TTC17: variants seen among roughly 807,000 people sequenced by gnomAD.
The protein encoded by TTC17 is tetratricopeptide repeat domain 17.
Under a neutral mutation model 143.8 loss-of-function variants are expected in TTC17, and 58 were observed. The observed-to-expected ratio is 0.40, with a 90% CI of 0.33 to 0.50. TTC17 has a LOEUF of 0.50. Among genes scored for constraint, TTC17 ranks in the 20% least tolerant of loss-of-function variants. The pLI is 0.49. For missense variants in TTC17, 1,273 were observed against 1,392.5 expected (o/e 0.91, Z 1.37); for synonymous variants, 501 against 497.8 (o/e 1.01, Z -0.09).
intron 2 of TTC17, among the ~76,000 whole-genome samples, chr11:43,384,257 A>G (rs1565136770): frequency 6.6e-6 from 1 of 152,206 alleles, no homozygotes; most frequent in African/African-American, 2.4e-5. Flanking sequence ...TAAGCAAAAG[A>G]AAGGTGATAT....
rs573356151 is a variant in TTC17, at chr11:43,474,733, A to G, written c.3031-15506A>G. 8.5e-5 allele frequency among the ~76,000 whole-genome samples: 13 copies of G among 152,356 alleles called. No homozygotes were observed. The East Asian group carries it at 2.5e-3, about 29-fold the overall frequency. On this transcript the variant is annotated intron_variant, in intron 21 of 23. Transcript: ENST00000039989. ...TAACTTTTGACTCCTCAAAAACTTA[A>G]CTACTAATAGCCCACTATTGACTGG...
intron 16 of TTC17, among the ~76,000 whole-genome samples, chr11:43,420,677 G>A (rs534346691): frequency 2.1e-3 from 313 of 152,254 alleles, no homozygotes; most frequent in Non-Finnish European, 3.0e-3. Context: ...CTTAGAGACA[G>A]TATTATCAGA....
In TTC17 at chr11:43,443,538, C is replaced by T; in HGVS notation, c.2465C>T (p.Ser822Phe). ...CCCCAGGATGGAGTGGCCAGAAGCT[C>T]TTGCTATGGAGACTGCAGAAGTGAA... Reference protein sequence around the residue: ...KGPQDGVARSSCYGDCRSEDD... With the variant: ...KGPQDGVARSFCYGDCRSEDD... The change falls in exon 17 of 24, where the codon TCT becomes TTT. Residue 822 changes from serine (S) to phenylalanine (F), a missense_variant. Coordinates refer to ENST00000039989, the MANE Select transcript of TTC17 (RefSeq NM_018259.6). 2 of 1,614,066 alleles carry T rather than the reference C, an allele frequency of 1.2e-6. No individual in the cohort carries two copies. Among genetic ancestry groups the T allele is most frequent in the South Asian group, 1.1e-5 (1 of 91,068 alleles).
chr11:43,488,053 G>A (rs1350419782), intron 21 of TTC17, among the ~76,000 whole-genome samples: 1 of 152,146 alleles, frequency 6.6e-6, no homozygotes, highest in Non-Finnish European at 1.5e-5. Flanking sequence ...GAATTTTGGG[G>A]GAACATAGTT....
chr11:43,451,168 T>G lies in TTC17; in HGVS notation c.2947-14T>G. On this transcript the variant is annotated splice_polypyrimidine_tract_variant and intron_variant, in intron 20 of 23. Transcript: ENST00000039989. ...GTTTTCATTCTTCTAATCTACTATC[T>G]TCCTTCCTTCCAGGTATTACAAAAT... is the stretch of plus-strand genomic sequence containing the variant. The G allele has an allele frequency of 6.2e-7, 1 of 1,611,126 alleles. No individual in the cohort carries two copies. The highest frequency in any genetic ancestry group is 8.5e-7 in the Non-Finnish European group (1 of 1,177,488).
chr11:43,484,474 A>G, intron 21 of TTC17, among the ~76,000 whole-genome samples: 1 of 152,338 alleles, frequency 6.6e-6, no homozygotes, highest in East Asian at 1.9e-4. Context: ...AAATAAATAG[A>G]TATATAATGT....
At chr11:43,396,676 T>G (rs754637329) in intron 5 of TTC17, 33 bp from the exon 6 acceptor site, 5 of 1,327,908 alleles carry the variant, frequency 3.8e-6, no homozygotes, top group Non-Finnish European at 5.3e-6. Context: ...CTGTCTTGAG[T>G]CGTGTTTGTA....
rs554932700 is a variant in TTC17 at position 43,358,950 on chromosome 11, G to A, written c.-5G>A. 5 of 1,571,404 alleles carry A rather than the reference G, an allele frequency of 3.2e-6. No homozygotes were observed. The East Asian group carries it at 7.5e-5, about 23-fold the overall frequency. The stretch of plus-strand genomic sequence containing the variant: ...CGGTGTGAGCGGCCCGGCCGGGGGG[G>A]CAAGATGGCGGCGGCAGTAGGGGTT... On this transcript the variant is annotated 5_prime_UTR_variant, in exon 1 of 24. Transcript: ENST00000039989.
chr11:43,425,643 A>T (rs563715000), intron 16 of TTC17, among the ~76,000 whole-genome samples: 1 of 152,270 alleles, frequency 6.6e-6, no homozygotes, highest in African/African-American at 2.4e-5. Flanking sequence ...GATGTCTGCC[A>T]TATATATGTG....
intron 20 of TTC17, 60 bp downstream of exon 20, chr11:43,450,301 A>G: frequency 6.6e-7 from 1 of 1,522,928 alleles, no homozygotes; most frequent in Admixed American, 2.2e-5. Context: ...GCACATTGAT[A>G]CTACATAGAA....
At chr11:43,433,426 ACTCTTTTTTTATTC>A (rs749891441) in intron 16 of TTC17, among the ~76,000 whole-genome samples, 1 of 151,376 alleles carries the variant, frequency 6.6e-6, no homozygotes, top group Non-Finnish European at 1.5e-5. Flanking sequence ...TAAACCTCTT[ACTCTTTTTTTATTC>A]CTCCTGTTCT....
At chr11:43,474,202 G>T (rs1395646121) in intron 21 of TTC17, among the ~76,000 whole-genome samples, 4 of 152,098 alleles carry the variant, frequency 2.6e-5, no homozygotes, top group Non-Finnish European at 5.9e-5. Flanking sequence ...GGAGGCTTCT[G>T]CAGCTGTCAA....
intron 1 of TTC17, chr11:43,370,169 A>G: frequency 2.3e-6 from 1 of 442,490 alleles, no homozygotes; most frequent in Non-Finnish European, 4.5e-6. Context: ...CTCAAAGAAG[A>G]TGTAAGCCCA....
intron 23 of TTC17, among the ~76,000 whole-genome samples, 184 bp from the exon 24 acceptor site, chr11:43,493,589 G>A (rs1014809371): frequency 2.0e-5 from 3 of 152,012 alleles, no homozygotes; most frequent in South Asian, 2.1e-4. Context: ...CCCATACCTC[G>A]GGAATGAAGG....
intron 5 of TTC17, 113 bp downstream of exon 5, chr11:43,392,065 G>T: frequency 7.8e-7 from 1 of 1,277,742 alleles, no homozygotes; most frequent in Non-Finnish European, 1.1e-6. Flanking sequence ...TCTAGAAGAC[G>T]ATTTAAAATT....
chr11:43,490,594 G>A (rs550300356), intron 22 of TTC17: 1 of 395,338 alleles, frequency 2.5e-6, no homozygotes, highest in Non-Finnish European at 4.4e-6. Context: ...CCAGATCACT[G>A]TAAGACAGTA....
intron 15 of TTC17, among the ~76,000 whole-genome samples, chr11:43,412,517 ATATT>A (rs1431635403): frequency 6.6e-6 from 1 of 152,122 alleles, no homozygotes; most frequent in Non-Finnish European, 1.5e-5. Flanking sequence ...AAGATATACA[ATATT>A]TATATACTGA....
rs1458832024 is a variant in TTC17, at chr11:43,444,338, C to G, written c.2665+129C>G. ...AAAGGGGCAAAGTGTGGTCAAGAAA[C>G]CAGTCTATCTTCTGTATCAATGAAA... On this transcript the variant is annotated intron_variant, in intron 18 of 23. Transcript: ENST00000039989. 4 of 866,522 alleles carry G rather than the reference C, an allele frequency of 4.6e-6. No homozygotes were observed. In the African/African-American group the frequency reaches 6.9e-5, roughly 15 times the overall value. The allele number at this position is 866,522 out of a possible 1,614,324, so 53.7% of individuals were successfully genotyped here.
At chr11:43,434,838 G>T (rs761935181) in intron 16 of TTC17, among the ~76,000 whole-genome samples, 7 of 152,192 alleles carry the variant, frequency 4.6e-5, no homozygotes, top group Non-Finnish European at 8.8e-5. Flanking sequence ...GTATAATAGT[G>T]TAAAAGTGGA....
Sources: allele counts gnomAD v4.1 joint callset (sites outside exome capture counted in the v4.1 genomes callset), GRCh38; gene constraint gnomAD v4.1.1; transcripts MANE v1.5; gene names NCBI Gene and HGNC (gene_info 2026-07-23, HGNC 2026-07-21).